ESR1: variants seen among roughly 807,000 people sequenced by gnomAD.
The protein encoded by ESR1 is estrogen receptor.
In ESR1, 12 loss-of-function variants were observed where a neutral mutation model predicts 52.7. That is an observed-to-expected ratio of 0.23 (90% CI 0.15 to 0.37). ESR1 has a LOEUF of 0.37. ESR1 is among the 10% of genes least tolerant of loss of function. The pLI is 1.00. For missense variants in ESR1, 584 were observed against 779.7 expected (o/e 0.75, Z 2.99); for synonymous variants, 305 against 316.8 (o/e 0.96, Z 0.39).
At chr6:151,837,068 G>A (rs1783455830) in intron 1 of ESR1, among the ~76,000 whole-genome samples, 1 of 150,436 alleles carries the variant, frequency 6.6e-6, no homozygotes, top group Admixed American at 6.6e-5. Context: ...GTTTTTACTT[G>A]GTCCAAGAGA....
intron 6 of ESR1, among the ~76,000 whole-genome samples, chr6:152,088,246 T>A (rs1191340936): frequency 6.6e-6 from 1 of 152,168 alleles, no homozygotes; most frequent in Non-Finnish European, 1.5e-5. Flanking sequence ...GTACTTATAA[T>A]GAATGTTTGG....
chr6:151,855,365 A>G (rs539203877), intron 2 of ESR1, among the ~76,000 whole-genome samples: 8 of 152,128 alleles, frequency 5.3e-5, no homozygotes, highest in African/African-American at 1.9e-4. Flanking sequence ...TTCCTATTCT[A>G]CAAGTGCCTG....
intron 2 of ESR1, among the ~76,000 whole-genome samples, chr6:151,713,355 A>G (rs1582985212): frequency 6.6e-6 from 1 of 152,174 alleles, no homozygotes; most frequent in Admixed American, 6.5e-5. Context: ...GGCCTCATAA[A>G]ATGAGTTAGG....
At chr6:151,999,041 G>C (rs1293253948) in intron 4 of ESR1, among the ~76,000 whole-genome samples, 1 of 152,204 alleles carries the variant, frequency 6.6e-6, no homozygotes, top group East Asian at 1.9e-4. Flanking sequence ...CTGAGTTGCT[G>C]TCCTGGTTCT....
chr6:151,980,750 C>T (rs970409994), intron 4 of ESR1, among the ~76,000 whole-genome samples: 2 of 152,312 alleles, frequency 1.3e-5, no homozygotes, highest in South Asian at 4.1e-4. Context: ...GTTGCCCAGG[C>T]TGGAGTGCTG....
At chr6:151,956,209 T>C (rs1489506094) in intron 4 of ESR1, among the ~76,000 whole-genome samples, 1 of 152,204 alleles carries the variant, frequency 6.6e-6, no homozygotes, top group Admixed American at 6.5e-5. Flanking sequence ...GTCTTTATGG[T>C]AGAACGATAT....
upstream of ESR1, among the ~76,000 whole-genome samples, chr6:151,800,237 G>A (rs1317362128): frequency 1.3e-5 from 2 of 152,102 alleles, no homozygotes; most frequent in Non-Finnish European, 2.9e-5. Context: ...GGAGGGAAGA[G>A]GGTCTAGGGG....
At chr6:151,989,300 C>G (rs1166010016) in intron 4 of ESR1, among the ~76,000 whole-genome samples, 1 of 152,006 alleles carries the variant, frequency 6.6e-6, no homozygotes, top group African/African-American at 2.4e-5. Flanking sequence ...ATGTCTTAAT[C>G]AAAAACAAGA....
chr6:151,694,456 G>A (rs1779176772), intron 1 of ESR1, among the ~76,000 whole-genome samples: 1 of 152,146 alleles, frequency 6.6e-6, no homozygotes, highest in African/African-American at 2.4e-5. Flanking sequence ...ATAAAGTAAT[G>A]CATGTAAAAG....
At chr6:151,752,468 C>CTTT (rs201047018) in intron 2 of ESR1, among the ~76,000 whole-genome samples, 1 of 131,616 alleles carries the variant, frequency 7.6e-6, no homozygotes, top group African/African-American at 2.7e-5. Context: ...ACTGCAACTG[C>CTTT]TTTTTTTTTT....
At chr6:151,977,818 G>T (rs1026894966) in intron 4 of ESR1, among the ~76,000 whole-genome samples, 6 of 151,580 alleles carry the variant, frequency 4.0e-5, no homozygotes, top group Non-Finnish European at 8.8e-5. Flanking sequence ...ATAAAAAAAA[G>T]TGACTGCAGG....
At chr6:151,746,535 A>G (rs1361752619) in intron 2 of ESR1, among the ~76,000 whole-genome samples, 3 of 152,234 alleles carry the variant, frequency 2.0e-5, no homozygotes, top group Non-Finnish European at 1.5e-5. Flanking sequence ...AAAAGGCATC[A>G]ATCAAAGCTG....
intron 2 of ESR1, among the ~76,000 whole-genome samples, chr6:151,874,108 T>C (rs192214991): frequency 1.6e-3 from 239 of 152,366 alleles, no homozygotes; most frequent in Non-Finnish European, 2.8e-3. Flanking sequence ...TCTTTTAGAA[T>C]TCATTTTTAT....
At chr6:152,020,485 C>G (rs1196380981) in intron 5 of ESR1, among the ~76,000 whole-genome samples, 1 of 152,146 alleles carries the variant, frequency 6.6e-6, no homozygotes, top group Non-Finnish European at 1.5e-5. Context: ...GGATCTTGCT[C>G]TGTCACCTAG....
chr6:152,020,537 G>A (rs370638513), intron 5 of ESR1, among the ~76,000 whole-genome samples: 2 of 150,290 alleles, frequency 1.3e-5, no homozygotes, highest in Admixed American at 6.6e-5. Context: ...TTCAATTTCC[G>A]CCTCCTGGGT....
At chr6:152,126,966 T>A (rs1351805090) in exon 7 of ESR1, 1 of 152,228 alleles carries the variant, frequency 6.6e-6, no homozygotes, top group Non-Finnish European at 1.5e-5. Flanking sequence ...TGTAACAGAT[T>A]TATTTTGCAG....
chr6:152,101,618 T>C lies in ESR1; in HGVS notation c.*2652T>C, dbSNP rs1018335177. On this transcript the variant is annotated 3_prime_UTR_variant, in exon 8 of 8. Transcript: ENST00000206249. ...TAATGGACAGCAGATATTTTCTGGC[T>C]GATGTTGGTATTGGGTGTAGGAACA... is the stretch of plus-strand genomic sequence containing the variant. The C allele has an allele frequency of 6.9e-5, 16 of 230,820 alleles. No individual in the cohort carries two copies. The highest frequency in any genetic ancestry group is 1.4e-4 in the Non-Finnish European group (16 of 116,698). 14.3% of individuals were successfully genotyped at this position (230,820 alleles called of 1,614,324 possible).
chr6:152,122,103 T>TCATTAAAAAA, intron 6 of ESR1: 2 of 382,976 alleles, frequency 5.2e-6, no homozygotes, highest in Admixed American at 3.8e-5. Context: ...GATGGTCTAC[T>TCATTAAAAAA]GAAGTCCTTG....
At chr6:151,806,529 T>C (rs986848089), upstream of ESR1, among the ~76,000 whole-genome samples, 1 of 113,324 alleles carries the variant, frequency 8.8e-6, no homozygotes, top group Non-Finnish European at 1.7e-5. Flanking sequence ...CTCCTTAATA[T>C]GTATATATAT....
Sources: allele counts gnomAD v4.1 joint callset (sites outside exome capture counted in the v4.1 genomes callset), GRCh38; gene constraint gnomAD v4.1.1; transcripts MANE v1.5; gene names NCBI Gene and HGNC (gene_info 2026-07-23, HGNC 2026-07-21).